SNAP91: variants seen among roughly 807,000 people sequenced by gnomAD.
SNAP91 encodes synaptosome associated protein 91, also known as clathrin coat assembly protein AP180.
A neutral mutation model predicts 100.3 loss-of-function variants in SNAP91; 27 were observed. The ratio of observed to expected loss-of-function variants is 0.27; its 90% CI spans 0.20 to 0.37. The LOEUF (loss-of-function observed/expected upper bound fraction) is 0.37. Ranked by LOEUF, SNAP91 falls within the 10% of genes least tolerant of loss-of-function variation. SNAP91 has a pLI of 1.00. For synonymous variants in SNAP91, 404 were observed against 398.6 expected, an observed-to-expected ratio of 1.01 and a Z score of -0.16; for missense variants, 986 against 1,123.7, an observed-to-expected ratio of 0.88 and a Z score of 1.75.
intron 9 of SNAP91, among the ~76,000 whole-genome samples, chr6:83,621,591 A>G (rs1418563326): frequency 6.6e-6 from 1 of 152,184 alleles, no homozygotes; most frequent in African/African-American, 2.4e-5. Context: ...TATAATGACT[A>G]TAATAGTATC....
chr6:83,605,098 T>C (rs972312798), intron 14 of SNAP91, among the ~76,000 whole-genome samples: 2 of 152,138 alleles, frequency 1.3e-5, no homozygotes, highest in African/African-American at 4.8e-5. Context: ...CTGATTTTTT[T>C]CCTGAGATCC....
At chr6:83,554,503 T>A (rs1366213009) in intron 29 of SNAP91, among the ~76,000 whole-genome samples, 1 of 152,148 alleles carries the variant, frequency 6.6e-6, no homozygotes, top group South Asian at 2.1e-4. Flanking sequence ...AAACTTTTGA[T>A]GTATAGTTTC....
chr6:83,707,697 T>C, intron 2 of SNAP91, 101 bp downstream of exon 2: 1 of 1,467,562 alleles, frequency 6.8e-7, no homozygotes, highest in Non-Finnish European at 9.1e-7. Context: ...GCTGGGAGTA[T>C]CAGAGGCCAC....
At chr6:83,696,684 T>A (rs964353202) in intron 2 of SNAP91, among the ~76,000 whole-genome samples, 2 of 152,250 alleles carry the variant, frequency 1.3e-5, no homozygotes, top group Admixed American at 6.5e-5. Context: ...TCTTTAAGTC[T>A]GGGCTTAAAC....
chr6:83,625,440 T>TGTTA (rs2096895911), intron 8 of SNAP91, among the ~76,000 whole-genome samples: 1 of 152,128 alleles, frequency 6.6e-6, no homozygotes, highest in South Asian at 2.1e-4. Context: ...GAAGTTCTAT[T>TGTTA]GTTAGTTCTT....
intron 16 of SNAP91, among the ~76,000 whole-genome samples, chr6:83,600,218 G>A (rs1056936493): frequency 6.6e-6 from 1 of 152,194 alleles, no homozygotes. Context: ...ACAAAGCTGT[G>A]TCTAGTGGAG....
rs1562089831 is a variant in SNAP91, at chr6:83,560,119, A to G, written c.2616T>C (p.Ala872=). Residue 872 remains alanine (A), a synonymous_variant, in exon 28 of 30, where the codon GCT becomes GCC. Coordinates refer to ENST00000369694, the MANE Select transcript of SNAP91 (RefSeq NM_001242792.2). ...AGAAACTGACCTGCGTGCCAGGTAC[A>G]GCGGCAGCTCCAAAGGGGGGCCTCA... ...PMMRPPFGAA[A]VPGTQLSPSP... 6.2e-7 allele frequency: 1 copy of G among 1,613,870 alleles called. No individual in the cohort carries two copies.
intron 2 of SNAP91, among the ~76,000 whole-genome samples, chr6:83,683,137 T>G (rs974793484): frequency 2.0e-5 from 3 of 152,094 alleles, no homozygotes; most frequent in Non-Finnish European, 4.4e-5. Context: ...AAAACCACCC[T>G]TTTCTGGCCT....
chr6:83,697,729 T>G (rs1455167877), intron 2 of SNAP91, among the ~76,000 whole-genome samples: 1 of 152,108 alleles, frequency 6.6e-6, no homozygotes, highest in African/African-American at 2.4e-5. Context: ...AAGAATTGAG[T>G]TTAACTCCTT....
intron 2 of SNAP91, among the ~76,000 whole-genome samples, chr6:83,695,276 C>CAAAA (rs56103542): frequency 5.9e-4 from 40 of 67,270 alleles, no homozygotes; most frequent in African/African-American, 1.5e-3. Context: ...GGCTCCATCT[C>CAAAA]AAAAAAAAAA....
At chr6:83,707,504 A>T (rs1342937325) in intron 2 of SNAP91, among the ~76,000 whole-genome samples, 1 of 149,392 alleles carries the variant, frequency 6.7e-6, no homozygotes, top group Non-Finnish European at 1.5e-5. Context: ...AGTGTGTACA[A>T]TCTCTCTCTT....
intron 8 of SNAP91, among the ~76,000 whole-genome samples, chr6:83,629,508 A>G (rs2097118560): frequency 6.6e-6 from 1 of 151,878 alleles, no homozygotes. Context: ...ATGTGTTTTC[A>G]TTTGTGTTGT....
intron 22 of SNAP91, among the ~76,000 whole-genome samples, chr6:83,583,714 G>T (rs1315602379): frequency 6.6e-6 from 1 of 152,148 alleles, no homozygotes; most frequent in East Asian, 1.9e-4. Context: ...TTCACAAACT[G>T]CTTGCAAAAA....
chr6:83,673,989 A>G (rs1187339383), intron 2 of SNAP91, among the ~76,000 whole-genome samples: 2 of 152,244 alleles, frequency 1.3e-5, no homozygotes, highest in Middle Eastern at 3.2e-3. Flanking sequence ...ACAGGAGGAC[A>G]GACTTCATCT....
chr6:83,646,008 G>A (rs2097903315), intron 7 of SNAP91, among the ~76,000 whole-genome samples: 1 of 152,072 alleles, frequency 6.6e-6, no homozygotes, highest in African/African-American at 2.4e-5. Context: ...CTTTTAGCAC[G>A]GAATAATATC....
chr6:83,571,402 C>T (rs1807453603), intron 26 of SNAP91, among the ~76,000 whole-genome samples: 1 of 152,076 alleles, frequency 6.6e-6, no homozygotes, highest in Admixed American at 6.6e-5. Context: ...CATGCCTGGC[C>T]CGGGAGCCCA....
chr6:83,647,427 TTTTTC>T (rs1404187783), intron 7 of SNAP91, among the ~76,000 whole-genome samples: 20 of 152,170 alleles, frequency 1.3e-4, no homozygotes, highest in Non-Finnish European at 2.6e-4. Context: ...TCATCAAATG[TTTTTC>T]TTTTATCTAC....
chr6:83,650,092 A>G (rs56194935), intron 7 of SNAP91, among the ~76,000 whole-genome samples: 5 of 152,020 alleles, frequency 3.3e-5, no homozygotes, highest in Non-Finnish European at 5.9e-5. Flanking sequence ...ATTCATGGTT[A>G]TATTTCAAAA....
At chr6:83,564,513 C>T (rs1189979072) in intron 26 of SNAP91, among the ~76,000 whole-genome samples, 1 of 151,890 alleles carries the variant, frequency 6.6e-6, no homozygotes, top group Admixed American at 6.6e-5. Flanking sequence ...CAGGTGCATG[C>T]CACTGCACCC....
Sources: gnomAD v4.1 joint callset for allele counts (sites outside exome capture counted in the v4.1 genomes callset) on GRCh38, gnomAD v4.1.1 for gene constraint, MANE v1.5 for transcripts, NCBI Gene and HGNC (gene_info 2026-07-23, HGNC 2026-07-21) for gene names.